The following GLIS3 variants were observed in gnomAD, a reference collection of about 807,000 sequenced individuals.
GLIS3 encodes GLIS family zinc finger 3, also known as zinc finger protein GLIS3.
GLIS3 carries 53 observed loss-of-function variants against 78.6 expected under a neutral mutation model. That is an observed-to-expected ratio of 0.67 (90% CI 0.54 to 0.85). GLIS3 has a LOEUF of 0.85. Ranked by LOEUF, GLIS3 falls within the 40% of genes least tolerant of loss-of-function variation. The pLI is 0.00. For missense variants in GLIS3, 1,703 were observed against 1,231.1 expected (o/e 1.38, Z -5.74); for synonymous variants, 684 against 509.9 (o/e 1.34, Z -4.60).
chr9:4,339,712 A>G (rs1242935394), intron 2 of GLIS3, among the ~76,000 whole-genome samples: 5 of 121,012 alleles, frequency 4.1e-5, no homozygotes, highest in Non-Finnish European at 8.4e-5. Context: ...TAACAATGCA[A>G]TGATGGGATT....
the GLIS3 span, among the ~76,000 whole-genome samples, chr9:4,360,548 C>G: frequency 1.3e-5 from 2 of 152,150 alleles, no homozygotes; most frequent in East Asian, 1.9e-4. Flanking sequence ...CGAGGATTAT[C>G]TCATTTATTC....
Position 4,118,911 on chromosome 9 carries a change from A to G in GLIS3, c.597-30T>C. 6.3e-7 allele frequency: 1 copy of G among 1,595,774 alleles called. No homozygotes were observed. The highest frequency in any genetic ancestry group is 8.5e-7 in the Non-Finnish European group (1 of 1,177,762). ...AACAGCAGCCAGAAAGGAAGAAAAA[A>G]AAAAGATAAACATTTTAGCAGGATA... On this transcript the variant is annotated intron_variant, in intron 3 of 10. Coordinates refer to ENST00000381971, the MANE Select transcript of GLIS3 (RefSeq NM_001042413.2). The surrounding 1 kb of genome is among the most constrained non-coding windows in gnomAD (Gnocchi z 4.7).
At chr9:4,320,766 T>C (rs73386236) in intron 2 of GLIS3, among the ~76,000 whole-genome samples, 11,248 of 152,128 alleles carry the variant, frequency 0.074, 873 homozygotes, top group African/African-American at 0.18. Flanking sequence ...TGCTATTGGT[T>C]TCAGCACCAT....
chr9:4,314,323 A>C, intron 2 of GLIS3, among the ~76,000 whole-genome samples: 1 of 152,202 alleles, frequency 6.6e-6, no homozygotes, highest in East Asian at 1.9e-4. Context: ...CCCAGGCTGC[A>C]TGTCTTGGCA....
chr9:4,129,629 G>C (rs12336355), intron 2 of GLIS3, among the ~76,000 whole-genome samples: 3 of 151,982 alleles, frequency 2.0e-5, no homozygotes, highest in Non-Finnish European at 4.4e-5. Flanking sequence ...AGTTTCCTGA[G>C]GCCTCCCCAG....
At chr9:3,884,774 C>T (rs532142710) in intron 7 of GLIS3, among the ~76,000 whole-genome samples, 17 of 152,206 alleles carry the variant, frequency 1.1e-4, no homozygotes, top group Middle Eastern at 3.4e-3. Flanking sequence ...AGGCAAATAG[C>T]GGGGCTGGAA....
chr9:3,878,601 G>A (rs1164206760), intron 8 of GLIS3: 2 of 152,090 alleles, frequency 1.3e-5, no homozygotes, highest in African/African-American at 4.8e-5. Flanking sequence ...ACAATTGCCA[G>A]AACTTCTTTC....
chr9:4,060,055 C>T (rs1826516527), intron 4 of GLIS3, among the ~76,000 whole-genome samples: 1 of 152,076 alleles, frequency 6.6e-6, no homozygotes, highest in Non-Finnish European at 1.5e-5. Context: ...ACCCAAGGTT[C>T]CTGGCCAACC....
the GLIS3 span, among the ~76,000 whole-genome samples, chr9:4,406,389 T>C: frequency 1.3e-5 from 2 of 152,198 alleles, no homozygotes; most frequent in Non-Finnish European, 2.9e-5. Context: ...TGTGCGATCT[T>C]GGCTTACTGC....
the GLIS3 span, among the ~76,000 whole-genome samples, chr9:4,354,570 T>C: frequency 3.3e-5 from 5 of 152,186 alleles, no homozygotes; most frequent in South Asian, 2.1e-4. Context: ...AAAACCTCAG[T>C]GCACGGGATT....
At chr9:4,027,049 T>C (rs1008556987) in intron 4 of GLIS3, among the ~76,000 whole-genome samples, 8 of 152,168 alleles carry the variant, frequency 5.3e-5, no homozygotes, top group African/African-American at 1.7e-4. Flanking sequence ...ATCCTTTACA[T>C]GTCAACCCTG....
At chr9:4,063,068 G>A (rs991675924) in intron 4 of GLIS3, among the ~76,000 whole-genome samples, 4 of 151,792 alleles carry the variant, frequency 2.6e-5, no homozygotes, top group African/African-American at 9.7e-5. Context: ...TATACAGATG[G>A]CAAACTGAGT....
intron 4 of GLIS3, among the ~76,000 whole-genome samples, chr9:4,030,595 C>A (rs931978615): frequency 3.3e-5 from 5 of 152,144 alleles, no homozygotes; most frequent in Admixed American, 6.6e-5. Context: ...AGTCTTTAAG[C>A]CATTTTGAAT....
chr9:3,843,682 G>C (rs1316138490), intron 9 of GLIS3, among the ~76,000 whole-genome samples: 1 of 152,160 alleles, frequency 6.6e-6, no homozygotes, highest in Non-Finnish European at 1.5e-5. Context: ...TATGAATGTA[G>C]GTACTGCCAC....
chr9:4,371,759 G>A, the GLIS3 span, among the ~76,000 whole-genome samples: 1 of 152,194 alleles, frequency 6.6e-6, no homozygotes, highest in African/African-American at 2.4e-5. Flanking sequence ...AGGCTTTAAA[G>A]TGGGTCCCCA....
chr9:3,929,351 C>A (rs1324544268), intron 6 of GLIS3, among the ~76,000 whole-genome samples: 1 of 151,658 alleles, frequency 6.6e-6, no homozygotes, highest in African/African-American at 2.4e-5. Flanking sequence ...TTTTTTTCTT[C>A]TTTTTCTTTC....
At chr9:4,368,379 C>T in the GLIS3 span, among the ~76,000 whole-genome samples, 36 of 148,626 alleles carry the variant, frequency 2.4e-4, no homozygotes, top group African/African-American at 9.0e-4. Context: ...GAGTCTCGCT[C>T]TGTCACCCAG....
the GLIS3 span, among the ~76,000 whole-genome samples, chr9:4,415,173 G>A: frequency 1.3e-5 from 2 of 152,190 alleles, no homozygotes; most frequent in Non-Finnish European, 2.9e-5. Flanking sequence ...AATCCATTGT[G>A]TAAATGGATT....
intron 1 of GLIS3, chr9:4,298,333 G>T (rs1816779934): frequency 8.8e-6 from 4 of 455,536 alleles, no homozygotes; most frequent in Non-Finnish European, 1.8e-5. Context: ...AAGTCGGAGG[G>T]CGCGAACGCG....
Sources: gnomAD v4.1 joint callset for allele counts (sites outside exome capture counted in the v4.1 genomes callset) on GRCh38, gnomAD v4.1.1 for gene constraint, Gnocchi (gnomAD v3.1) non-coding constraint, MANE v1.5 for transcripts, NCBI Gene and HGNC (gene_info 2026-07-23, HGNC 2026-07-21) for gene names.